Variants in FBXL20 observed in about 807,000 individuals in gnomAD.
FBXL20 encodes F-box/LRR-repeat protein 20.
A neutral mutation model predicts 64.0 loss-of-function variants in FBXL20; 11 were observed. The ratio of observed to expected loss-of-function variants is 0.17; its 90% CI spans 0.11 to 0.28. FBXL20 has a LOEUF of 0.28. FBXL20 is among the 10% of genes least tolerant of loss of function. The probability of loss-of-function intolerance (pLI) is 1.00; values close to 1 mark genes in which losing one functional copy is unlikely to be tolerated. For missense variants in FBXL20, 303 were observed against 526.2 expected (o/e 0.58, Z 4.15); for synonymous variants, 184 against 189.0 (o/e 0.97, Z 0.22).
At chr17:39,319,377 A>G (rs1290997838) in intron 2 of FBXL20, among the ~76,000 whole-genome samples, 1 of 151,884 alleles carries the variant, frequency 6.6e-6, no homozygotes, top group African/African-American at 2.4e-5. Flanking sequence ...CTAAAGCCCA[A>G]TGAAGAGAGA....
intron 13 of FBXL20, 38 bp downstream of exon 13, chr17:39,265,359 A>T (rs1409386830): frequency 1.3e-6 from 2 of 1,525,210 alleles, no homozygotes; most frequent in African/African-American, 2.8e-5. Context: ...TTTTGATTAA[A>T]CCCAGTAAAC....
intron 11 of FBXL20, 125 bp from the exon 12 acceptor site, chr17:39,268,996 T>C (rs1368975535): frequency 1.2e-6 from 1 of 829,166 alleles, no homozygotes; most frequent in African/African-American, 1.7e-5. Flanking sequence ...GTTTCAGAGC[T>C]AGTGTCATGC....
intron 3 of FBXL20, among the ~76,000 whole-genome samples, chr17:39,301,774 G>C (rs2047138115): frequency 6.6e-6 from 1 of 152,012 alleles, no homozygotes; most frequent in African/African-American, 2.4e-5. Flanking sequence ...GCACACAACT[G>C]TAGTCCCAGC....
chr17:39,391,697 T>C (rs564971867), intron 1 of FBXL20, among the ~76,000 whole-genome samples: 2 of 152,258 alleles, frequency 1.3e-5, no homozygotes, highest in South Asian at 2.1e-4. Flanking sequence ...TCAAAAGATA[T>C]AGATGATCTG....
chr17:39,325,933 G>A (rs961395360), intron 2 of FBXL20, among the ~76,000 whole-genome samples: 1 of 152,158 alleles, frequency 6.6e-6, no homozygotes, highest in African/African-American at 2.4e-5. Context: ...CCCAATGTTG[G>A]AGGTGGGACC....
intron 1 of FBXL20, among the ~76,000 whole-genome samples, chr17:39,357,985 T>TA (rs1193899290): frequency 6.6e-6 from 1 of 152,196 alleles, no homozygotes; most frequent in Non-Finnish European, 1.5e-5. Context: ...TACATATATA[T>TA]AAACTCTTCT....
chr17:39,298,615 G>A (rs1259248676), intron 5 of FBXL20, among the ~76,000 whole-genome samples: 3 of 152,114 alleles, frequency 2.0e-5, no homozygotes, highest in Non-Finnish European at 4.4e-5. Context: ...CAGCTACTCA[G>A]GAGAGGGAGG....
intron 2 of FBXL20, among the ~76,000 whole-genome samples, chr17:39,309,582 C>T (rs2047212849): frequency 6.6e-6 from 1 of 151,916 alleles, no homozygotes; most frequent in African/African-American, 2.4e-5. Context: ...ACAGCTGGAT[C>T]ACCTGAGGTC....
chr17:39,330,430 A>G (rs935887382), intron 2 of FBXL20, among the ~76,000 whole-genome samples: 3 of 152,188 alleles, frequency 2.0e-5, no homozygotes, highest in Non-Finnish European at 4.4e-5. Context: ...CCTGGCCAAC[A>G]TGGTGAAACC....
intron 1 of FBXL20, among the ~76,000 whole-genome samples, chr17:39,394,210 G>A (rs1276660292): frequency 6.6e-6 from 1 of 151,778 alleles, no homozygotes; most frequent in Non-Finnish European, 1.5e-5. Flanking sequence ...CTGGTGTCAC[G>A]GAATATTTTA....
At position 39,359,016 on chromosome 17, in the gene FBXL20, A is replaced by G. The variant is rs533540673; in HGVS notation, c.43-15775T>C. ...CAAAACCACAAGATACCACTTCACA[A>G]TCATTAGGAAGGCTATTTTCTAAAA... On this transcript the variant is annotated intron_variant, in intron 1 of 14. Transcript: ENST00000264658. Among the ~76,000 whole-genome samples, 72 of 152,222 alleles carry G rather than the reference A, an allele frequency of 4.7e-4. No homozygotes were observed. In the South Asian group the frequency reaches 0.013, roughly 28 times the overall value.
At chr17:39,375,939 G>A (rs1449546965) in intron 1 of FBXL20, among the ~76,000 whole-genome samples, 1 of 152,030 alleles carries the variant, frequency 6.6e-6, no homozygotes, top group Non-Finnish European at 1.5e-5. Flanking sequence ...CCAACTTAGT[G>A]AAACCCCGTC....
chr17:39,356,214 C>CAAAAAAAA (rs56838813), intron 1 of FBXL20, among the ~76,000 whole-genome samples: 1 of 75,868 alleles, frequency 1.3e-5, no homozygotes, highest in African/African-American at 4.4e-5. Flanking sequence ...GACTCCATCT[C>CAAAAAAAA]AAAAAAAAAA....
chr17:39,264,920 A>G (rs2046778235), intron 13 of FBXL20, among the ~76,000 whole-genome samples: 1 of 152,198 alleles, frequency 6.6e-6, no homozygotes, highest in South Asian at 2.1e-4. Flanking sequence ...CTGTGTCACC[A>G]AACACCAAAA....
chr17:39,321,940 A>G (rs1199171680), intron 2 of FBXL20, among the ~76,000 whole-genome samples: 2 of 152,126 alleles, frequency 1.3e-5, no homozygotes, highest in Non-Finnish European at 2.9e-5. Flanking sequence ...ATTCTAAGAT[A>G]AATACTCAAA....
intron 1 of FBXL20, among the ~76,000 whole-genome samples, chr17:39,377,295 G>C (rs963209023): frequency 6.6e-6 from 1 of 151,766 alleles, no homozygotes; most frequent in South Asian, 2.1e-4. Context: ...GGACAGCTTC[G>C]ACTCCCTATG....
intron 6 of FBXL20, among the ~76,000 whole-genome samples, chr17:39,288,969 C>T (rs1007481689): frequency 6.6e-6 from 1 of 152,164 alleles, no homozygotes; most frequent in Non-Finnish European, 1.5e-5. Context: ...TCCCAAAGTG[C>T]TGGGATTACA....
chr17:39,344,289 T>C (rs1226538830), intron 1 of FBXL20, among the ~76,000 whole-genome samples: 1 of 149,794 alleles, frequency 6.7e-6, no homozygotes, highest in East Asian at 2.0e-4. Context: ...AAGTGGAGGT[T>C]GCAGTGAGCT....
At chr17:39,313,423 G>A (rs1256566772) in intron 2 of FBXL20, among the ~76,000 whole-genome samples, 1 of 150,988 alleles carries the variant, frequency 6.6e-6, no homozygotes, top group Non-Finnish European at 1.5e-5. Flanking sequence ...AGTAGAGACA[G>A]CGTTTCGCCA....
Sources: gnomAD v4.1 joint callset for allele counts (sites outside exome capture counted in the v4.1 genomes callset) on GRCh38, gnomAD v4.1.1 for gene constraint, MANE v1.5 for transcripts, NCBI Gene and HGNC (gene_info 2026-07-23, HGNC 2026-07-21) for gene names.